The following ROBO2 variants were observed in gnomAD, a reference collection of about 807,000 sequenced individuals.
ROBO2 encodes roundabout guidance receptor 2, also known as roundabout homolog 2.
ROBO2 carries 53 observed loss-of-function variants against 160.8 expected under a neutral mutation model. The ratio of observed to expected loss-of-function variants is 0.33; its 90% CI spans 0.26 to 0.41. The LOEUF (loss-of-function observed/expected upper bound fraction) is 0.41. ROBO2 is among the 10% of genes least tolerant of loss of function. The pLI, the probability that ROBO2 is intolerant of heterozygous loss-of-function variation, is 1.00. For synonymous variants in ROBO2, 664 were observed against 611.7 expected (o/e 1.09, Z -1.26); for missense variants, 1,577 against 1,722.4 (o/e 0.92, Z 1.49).
At chr3:76,092,937 G>A (rs533336152) in intron 2 of ROBO2, among the ~76,000 whole-genome samples, 19 of 152,200 alleles carry the variant, frequency 1.2e-4, no homozygotes, top group Middle Eastern at 3.4e-3. Flanking sequence ...AAACATCTTC[G>A]TCAAATCACT....
chr3:76,816,038 G>GT (rs1029276099), intron 2 of ROBO2, among the ~76,000 whole-genome samples: 1 of 152,062 alleles, frequency 6.6e-6, no homozygotes, highest in East Asian at 1.9e-4. Flanking sequence ...GTTGAAGACG[G>GT]TTTTTTCTTA....
intron 2 of ROBO2, among the ~76,000 whole-genome samples, chr3:76,175,105 A>G (rs944955769): frequency 3.3e-5 from 5 of 151,768 alleles, no homozygotes; most frequent in Admixed American, 2.6e-4. Context: ...ATTCCTAGGT[A>G]TTTTATTCTT....
intron 2 of ROBO2, among the ~76,000 whole-genome samples, chr3:77,373,206 A>C (rs915922479): frequency 4.1e-5 from 6 of 148,140 alleles, no homozygotes; most frequent in Non-Finnish European, 8.9e-5. Context: ...TTATATAATA[A>C]AATAATTAAA....
At chr3:76,493,743 C>T (rs575123581) in intron 2 of ROBO2, among the ~76,000 whole-genome samples, 1 of 152,212 alleles carries the variant, frequency 6.6e-6, no homozygotes, top group Admixed American at 6.5e-5. Flanking sequence ...TCCCTGACCC[C>T]TTTGCTAAGG....
chr3:75,986,602 C>T (rs1459833569), intron 2 of ROBO2, among the ~76,000 whole-genome samples: 1 of 151,498 alleles, frequency 6.6e-6, no homozygotes, highest in Non-Finnish European at 1.5e-5. Context: ...GATGTCACAT[C>T]TCAGAAATCA....
chr3:77,366,875 A>G (rs1190989034), intron 2 of ROBO2, among the ~76,000 whole-genome samples: 1 of 146,684 alleles, frequency 6.8e-6, no homozygotes, highest in African/African-American at 2.5e-5. Context: ...AGGAATTAAT[A>G]GTGAGAACTC....
At chr3:77,481,944 G>A (rs983759706) in intron 4 of ROBO2, among the ~76,000 whole-genome samples, 2 of 152,036 alleles carry the variant, frequency 1.3e-5, no homozygotes, top group Non-Finnish European at 2.9e-5. Context: ...GGTTGAAAGA[G>A]AGAGAAAATG....
rs9833661 is a variant in ROBO2, at chr3:76,769,565, T to C, written c.110-328449T>C. 9.4e-3 allele frequency among the ~76,000 whole-genome samples: 1,424 copies of C among 151,548 alleles called. 17 individuals are homozygous for C. The highest frequency in any genetic ancestry group is 0.032 in the African/African-American group (1,308 of 41,486). ...ATAACTATTGTCATAAGACAAAATA[T>C]GAAACAAAAAGACAATAGTCATTTC... On this transcript the variant is annotated intron_variant, in intron 2 of 26. Coordinates refer to the ROBO2 transcript ENST00000487694.
chr3:76,360,223 A>G (rs995296644), intron 2 of ROBO2, among the ~76,000 whole-genome samples: 3 of 152,036 alleles, frequency 2.0e-5, no homozygotes, highest in African/African-American at 7.2e-5. Context: ...TAAAGTTTAG[A>G]TCTCTTTTCG....
chr3:76,117,534 G>T (rs112405028), intron 2 of ROBO2, among the ~76,000 whole-genome samples: 2 of 152,184 alleles, frequency 1.3e-5, no homozygotes, highest in Admixed American at 6.5e-5. Context: ...ATATACTTAC[G>T]TAAACTCCTC....
At chr3:76,620,768 G>C (rs192660463) in intron 2 of ROBO2, among the ~76,000 whole-genome samples, 1 of 152,194 alleles carries the variant, frequency 6.6e-6, no homozygotes, top group African/African-American at 2.4e-5. Context: ...TTAGGGACCA[G>C]TTCCAATTCT....
intron 2 of ROBO2, among the ~76,000 whole-genome samples, chr3:76,001,063 G>T (rs2065873495): frequency 6.6e-6 from 1 of 151,922 alleles, no homozygotes; most frequent in South Asian, 2.1e-4. Flanking sequence ...GGGGTATGTT[G>T]TTTGTTTGTA....
intron 2 of ROBO2, among the ~76,000 whole-genome samples, chr3:76,274,460 A>G (rs1467850897): frequency 6.6e-6 from 1 of 152,192 alleles, no homozygotes. Flanking sequence ...GTAGTTTATA[A>G]ACTATTTTAT....
chr3:77,285,058 A>G (rs1331501348), intron 2 of ROBO2, among the ~76,000 whole-genome samples: 1 of 152,190 alleles, frequency 6.6e-6, no homozygotes, highest in Non-Finnish European at 1.5e-5. Flanking sequence ...AGACAGTATT[A>G]TCCCCTTTAT....
chr3:76,633,205 A>G (rs1324297484), intron 2 of ROBO2, among the ~76,000 whole-genome samples: 1 of 152,206 alleles, frequency 6.6e-6, no homozygotes, highest in Non-Finnish European at 1.5e-5. Flanking sequence ...TAAAAGAAAG[A>G]TGATTTATAA....
At chr3:75,966,525 G>GAAAA (rs1949121276) in intron 2 of ROBO2, among the ~76,000 whole-genome samples, 5 of 151,808 alleles carry the variant, frequency 3.3e-5, no homozygotes, top group Admixed American at 3.3e-4. Flanking sequence ...AATACAGACT[G>GAAAA]TGGTGCTGCC....
intron 2 of ROBO2, among the ~76,000 whole-genome samples, chr3:76,536,673 G>A (rs192131516): frequency 7.9e-5 from 12 of 152,168 alleles, no homozygotes; most frequent in African/African-American, 1.4e-4. Context: ...GGCTCATGAC[G>A]CTGGCAGGTG....
intron 2 of ROBO2, among the ~76,000 whole-genome samples, chr3:75,985,700 G>A (rs1284828615): frequency 6.6e-6 from 1 of 151,498 alleles, no homozygotes; most frequent in Non-Finnish European, 1.5e-5. Context: ...TGAAACTGAA[G>A]CTGTCGACCC....
At position 76,512,535 on chromosome 3, in the gene ROBO2, A is replaced by G. The variant is rs74524313; in HGVS notation, c.109+574933A>G. ...GTTCTGCACTTAGCTGTGAATAAGT[A>G]TAAGGAAATGATTGCTTACTGCTTC... On this transcript the variant is annotated intron_variant, in intron 2 of 26. Transcript: ENST00000487694. Among the ~76,000 whole-genome samples, 44 of 152,148 alleles carry G rather than the reference A, an allele frequency of 2.9e-4. 1 individual carries two copies. The South Asian group carries it at 2.9e-3, about 10-fold the overall frequency.
Sources: gnomAD v4.1 joint callset for allele counts (sites outside exome capture counted in the v4.1 genomes callset) on GRCh38, gnomAD v4.1.1 for gene constraint, MANE v1.5 for transcripts, NCBI Gene and HGNC (gene_info 2026-07-23, HGNC 2026-07-21) for gene names.